TASOR: variants seen among roughly 807,000 people sequenced by gnomAD.
TASOR encodes the protein transcription activation suppressor.
TASOR carries 53 observed loss-of-function variants against 178.6 expected under a neutral mutation model. The observed-to-expected ratio is 0.30, with a 90% confidence interval of 0.24 to 0.37. TASOR has a LOEUF of 0.37. TASOR is among the 10% of genes least tolerant of loss of function. The probability of loss-of-function intolerance (pLI) is 1.00; values close to 1 mark genes in which losing one functional copy is unlikely to be tolerated. For synonymous variants in TASOR, 713 were observed against 696.2 expected, an observed-to-expected ratio of 1.02 and a Z score of -0.38; for missense variants, 1,815 against 1,971.4, an observed-to-expected ratio of 0.92 and a Z score of 1.50.
At chr3:56,628,972 T>C (rs1464368287) in intron 18 of TASOR, 1 of 153,272 alleles carries the variant, frequency 6.5e-6, no homozygotes, top group East Asian at 1.9e-4. Flanking sequence ...AGAGTCTTGC[T>C]GTGTTGCCCA....
In TASOR at chr3:56,640,050, T is replaced by A; in HGVS notation, c.2700A>T (p.Arg900Ser). ...PSVPIEHGFR[R>S]QQSKSNNVEE... ...CAACATTATTTGACTTAGACTGTTG[T>A]CTACGAAATCCATGTTCAATGGGAA... is the stretch of plus-strand genomic sequence containing the variant. The change falls in exon 16 of 24, where the codon AGA becomes AGT. Residue 900 changes from arginine (R) to serine (S), a missense_variant. Transcript: ENST00000683822. 1 of 1,613,320 alleles carries A rather than the reference T, an allele frequency of 6.2e-7. No homozygotes were observed. Among genetic ancestry groups the A allele is most frequent in the South Asian group, 1.1e-5 (1 of 90,872 alleles).
intron 14 of TASOR, among the ~76,000 whole-genome samples, chr3:56,644,432 A>G (rs1363803324): frequency 1.3e-5 from 2 of 152,202 alleles, no homozygotes; most frequent in African/African-American, 4.8e-5. Context: ...AGCTGAGGAG[A>G]ATATGAACTG....
intron 11 of TASOR, among the ~76,000 whole-genome samples, chr3:56,651,446 G>C (rs1362680064): frequency 6.6e-6 from 1 of 152,116 alleles, no homozygotes; most frequent in Admixed American, 6.5e-5. Context: ...TGTAATCTCA[G>C]CACTTTGGGA....
Position 56,648,878 on chromosome 3 carries a change from T to A in TASOR, c.1457A>T (p.Lys486Met). The A allele has an allele frequency of 1.2e-6, 2 of 1,612,184 alleles. No individual in the cohort carries two copies. Among genetic ancestry groups the A allele is most frequent in the Non-Finnish European group, 1.7e-6 (2 of 1,179,376 alleles). ...AAACAAAGCATGTAGGACTCGAGAC[T>A]TGGCAGTCTGATATTCTAAAAAACA... Reference protein sequence around the residue: ...MVPPYEYQTAKSRVLHALFLF... With the variant: ...MVPPYEYQTAMSRVLHALFLF... Residue 486 changes from lysine (K) to methionine (M), a missense_variant, in exon 13 of 24, where the codon AAG becomes ATG. Lys to Met is a moderately conservative substitution (Grantham distance 95). This residue lies in a region of TASOR where 504 missense variants were observed against 645.3 expected (regional missense o/e 0.78). Transcript: ENST00000683822.
intron 1 of TASOR, among the ~76,000 whole-genome samples, chr3:56,681,973 AT>A (rs2031833928): frequency 6.6e-6 from 1 of 152,136 alleles, no homozygotes; most frequent in African/African-American, 2.4e-5. Context: ...GTTTTTTTCC[AT>A]TGGGAAATTA....
At position 56,662,396 on chromosome 3, in the gene TASOR, CA is replaced by C; in HGVS notation, c.1148del (p.Leu383CysfsTer9). 6.5e-7 allele frequency: 1 copy of C among 1,544,594 alleles called. No homozygotes were observed. The highest frequency in any genetic ancestry group is 8.8e-7 in the Non-Finnish European group (1 of 1,141,884). On this transcript the variant is annotated frameshift_variant, in exon 9 of 24. Coordinates refer to ENST00000683822, the MANE Select transcript of TASOR (RefSeq NM_001365635.2). LOFTEE classifies it high-confidence loss of function. ...TTACTTATACTTACAGTTTGATAGG[CA>C]AAAAAGCACGAGTGGCTGACCTCAG... ...ISLRSATRAF[L>X]PIKLPEKLDV...
rs550699222 is a variant in TASOR, at chr3:56,629,040, T to C, written c.3748-426A>G. On this transcript the variant is annotated intron_variant, in intron 18 of 23. Transcript: ENST00000683822. ...CTCCTGCCTTGGCCGCCCAAAGTGCTGGGATTACAGGCGTGAGCCACTGCA... is the reference window on the plus strand; with the variant it reads ...CTCCTGCCTTGGCCGCCCAAAGTGCCGGGATTACAGGCGTGAGCCACTGCA... 1.9e-3 allele frequency: 296 copies of C among 153,108 alleles called. 12 individuals are homozygous for C. The South Asian group carries it at 0.057, about 29-fold the overall frequency. 9.5% of individuals were successfully genotyped at this position (153,108 alleles called of 1,614,324 possible). A position where few individuals can be genotyped will look rare whatever the true frequency, so the allele number is the denominator to read the frequency against.
At chr3:56,645,182 G>A (rs144949586) in intron 14 of TASOR, among the ~76,000 whole-genome samples, 30 of 152,318 alleles carry the variant, frequency 2.0e-4, no homozygotes, top group South Asian at 1.2e-3. Context: ...ACTCAGGCAC[G>A]AGAATCTTTT....
At chr3:56,645,726 C>A (rs1050352051) in intron 14 of TASOR, among the ~76,000 whole-genome samples, 9 of 152,120 alleles carry the variant, frequency 5.9e-5, no homozygotes, top group African/African-American at 1.9e-4. Flanking sequence ...CAAAGATATT[C>A]CTGGATTCTT....
chr3:56,673,614 G>A lies in TASOR; in HGVS notation c.443C>T (p.Ala148Val), dbSNP rs188568778. 45 of 1,550,678 alleles carry A rather than the reference G, an allele frequency of 2.9e-5. No individual in the cohort carries two copies. The East Asian group carries it at 1.1e-3, about 38-fold the overall frequency. The change falls in exon 2 of 24, where the codon GCT becomes GTT. Residue 148 changes from alanine to valine, a missense_variant. Transcript: ENST00000683822. ...CAAAAGCTCATTGTGTACCAAGCAA[G>A]CACGTCTGTAGTTAAAATTTGTTAC... is the stretch of plus-strand genomic sequence containing the variant. Reference protein sequence around the residue: ...TSVTNFNYRRACLVHNELLEK... With the variant: ...TSVTNFNYRRVCLVHNELLEK...
chr3:56,658,623 G>T (rs1306435687), intron 11 of TASOR, among the ~76,000 whole-genome samples: 1 of 152,196 alleles, frequency 6.6e-6, no homozygotes, highest in Non-Finnish European at 1.5e-5. Flanking sequence ...CAGTGAGAAA[G>T]TAAGAAGGAA....
rs140343525 is a variant in TASOR at position 56,644,945 on chromosome 3, G to A, written c.2215+1577C>T. Among the ~76,000 whole-genome samples the A allele has an allele frequency of 1.4e-4, 22 of 152,180 alleles. No individual in the cohort carries two copies. In the East Asian group the frequency reaches 4.3e-3, roughly 29 times the overall value. On this transcript the variant is annotated intron_variant, in intron 14 of 23. Coordinates refer to ENST00000683822, the MANE Select transcript of TASOR (RefSeq NM_001365635.2). ...CTTAAATAAAAACATATGGCTAGTG[G>A]CTACCACATTGAATACCATAACAAT...
intron 21 of TASOR, among the ~76,000 whole-genome samples, chr3:56,625,489 A>T (rs2076777326): frequency 6.6e-6 from 1 of 152,022 alleles, no homozygotes; most frequent in South Asian, 2.1e-4. Context: ...CTCTACTCAA[A>T]ATTCACAATT....
chr3:56,627,863 A>T, intron 19 of TASOR, 122 bp from the exon 20 acceptor site: 2 of 793,618 alleles, frequency 2.5e-6, no homozygotes, highest in Non-Finnish European at 4.0e-6. Context: ...TTAGTGGATT[A>T]CCTCTGGAAA....
intron 11 of TASOR, among the ~76,000 whole-genome samples, chr3:56,652,224 T>C (rs566946752): frequency 6.6e-6 from 1 of 152,330 alleles, no homozygotes; most frequent in South Asian, 2.1e-4. Context: ...AATTAGATAG[T>C]GTTGATGTTG....
chr3:56,631,732 T>C (rs1384607944), intron 18 of TASOR, among the ~76,000 whole-genome samples: 2 of 151,938 alleles, frequency 1.3e-5, no homozygotes, highest in African/African-American at 2.4e-5. Context: ...TACAGGCGCC[T>C]GCCCCCATGC....
At chr3:56,670,616 T>C (rs2030581043) in intron 3 of TASOR, among the ~76,000 whole-genome samples, 1 of 152,174 alleles carries the variant, frequency 6.6e-6, no homozygotes, top group East Asian at 1.9e-4. Context: ...CAAAATATTA[T>C]TCCACCTAAA....
intron 18 of TASOR, among the ~76,000 whole-genome samples, chr3:56,630,580 A>C (rs1462246405): frequency 2.6e-5 from 4 of 152,216 alleles, no homozygotes; most frequent in Non-Finnish European, 5.9e-5. Context: ...GCGATGGCTC[A>C]CGCCTGTAAT....
intron 23 of TASOR, 100 bp from the exon 24 acceptor site, chr3:56,623,666 G>A: frequency 6.5e-7 from 1 of 1,542,254 alleles, no homozygotes. Context: ...GTCAGGGTCT[G>A]CAAGTCCACA....
Sources: allele counts gnomAD v4.1 joint callset (sites outside exome capture counted in the v4.1 genomes callset), GRCh38; gene constraint gnomAD v4.1.1; regional missense constraint gnomAD v4.1.1; transcripts MANE v1.5; gene names NCBI Gene and HGNC (gene_info 2026-07-23, HGNC 2026-07-21).